CTNND2: variants seen among roughly 807,000 people sequenced by gnomAD.
CTNND2 encodes the protein catenin delta-2.
In CTNND2, 22 loss-of-function variants were observed where a neutral mutation model predicts 144.4. The observed-to-expected ratio is 0.15, with a 90% confidence interval of 0.11 to 0.22. The LOEUF is 0.22. Among genes scored for constraint, CTNND2 ranks in the 10% least tolerant of loss-of-function variants. The pLI, the probability that CTNND2 is intolerant of heterozygous loss-of-function variation, is 1.00. For synonymous variants in CTNND2, 751 were observed against 695.6 expected (o/e 1.08, Z -1.25); for missense variants, 1,353 against 1,618.8 (o/e 0.84, Z 2.82).
chr5:11,289,115 C>T (rs1195733837), intron 9 of CTNND2, among the ~76,000 whole-genome samples: 1 of 152,224 alleles, frequency 6.6e-6, no homozygotes, highest in Admixed American at 6.5e-5. Flanking sequence ...AGGCCACTAT[C>T]TGCACACCTT....
Position 11,385,156 on chromosome 5 carries a change from G to T in CTNND2, c.686C>A (p.Pro229Gln). 2.0e-6 allele frequency: 2 copies of T among 1,008,864 alleles called. No individual in the cohort carries two copies. Among genetic ancestry groups the T allele is most frequent in the Non-Finnish European group, 2.4e-6 (2 of 847,624 alleles). The allele number at this position is 1,008,864 out of a possible 1,614,324, so 62.5% of individuals were successfully genotyped here. The stretch of plus-strand genomic sequence containing the variant: ...GGCGCTGCCCAGGCTGGGCGCGAAC[G>T]GCTCCCGCGGCGGCGGCGGCGGCGG... Reference protein sequence around the residue: ...APPPPPPPREPFAPSLGSAFH... With the variant: ...APPPPPPPREQFAPSLGSAFH... Residue 229 changes from proline (P) to glutamine (Q), a missense_variant, in exon 7 of 22, where the codon CCG becomes CAG. Coordinates refer to ENST00000304623, the MANE Select transcript of CTNND2 (RefSeq NM_001332.4).
At chr5:11,663,801 T>C (rs891064516) in intron 2 of CTNND2, among the ~76,000 whole-genome samples, 2 of 152,180 alleles carry the variant, frequency 1.3e-5, no homozygotes, top group East Asian at 1.9e-4. Context: ...GTGTTTGATA[T>C]GTATTATAAT....
chr5:11,238,742 C>T (rs552189207), intron 9 of CTNND2, among the ~76,000 whole-genome samples: 1 of 152,026 alleles, frequency 6.6e-6, no homozygotes, highest in Non-Finnish European at 1.5e-5. Context: ...TATACATACA[C>T]ACTATATATA....
At position 11,513,966 on chromosome 5, in the gene CTNND2, C is replaced by A. The variant is rs182151792; in HGVS notation, c.287+50978G>T. Among the ~76,000 whole-genome samples the A allele has an allele frequency of 3.8e-4, 58 of 152,166 alleles. 1 individual carries two copies. The highest frequency in any genetic ancestry group is 1.3e-3 in the African/African-American group (56 of 41,510). ...CTATATATTTATAATTTTAAAAAAT[C>A]TAACAAGAAATGGGCCAGCCTGGGC... On this transcript the variant is annotated intron_variant, in intron 3 of 21. Transcript: ENST00000304623.
intron 9 of CTNND2, among the ~76,000 whole-genome samples, chr5:11,260,717 A>G (rs1744772456): frequency 6.6e-6 from 1 of 152,210 alleles, no homozygotes; most frequent in Non-Finnish European, 1.5e-5. Flanking sequence ...TCAACAAGAT[A>G]GTACTGGGGA....
chr5:11,231,440 C>A (rs939396705), intron 10 of CTNND2, among the ~76,000 whole-genome samples: 3 of 152,140 alleles, frequency 2.0e-5, no homozygotes, highest in Admixed American at 6.5e-5. Context: ...GTGATATGGA[C>A]AAGGAAGTCC....
intron 2 of CTNND2, among the ~76,000 whole-genome samples, chr5:11,595,027 A>C (rs1050649258): frequency 4.6e-5 from 7 of 152,214 alleles, no homozygotes; most frequent in African/African-American, 1.7e-4. Context: ...ATTGACAGCC[A>C]AATTACTGCG....
chr5:11,852,330 C>T (rs1312545388), intron 1 of CTNND2, among the ~76,000 whole-genome samples: 3 of 152,108 alleles, frequency 2.0e-5, no homozygotes, highest in African/African-American at 7.2e-5. Context: ...ACAATCCTTG[C>T]TTAATTAATT....
At chr5:11,551,444 T>C (rs1323875233) in intron 3 of CTNND2, among the ~76,000 whole-genome samples, 2 of 148,660 alleles carry the variant, frequency 1.3e-5, no homozygotes, top group Non-Finnish European at 3.0e-5. Context: ...TTTTTTTTTT[T>C]TTTTTTTTTG....
chr5:11,702,178 T>C (rs756848820), intron 2 of CTNND2, among the ~76,000 whole-genome samples: 9 of 152,178 alleles, frequency 5.9e-5, no homozygotes, highest in Non-Finnish European at 2.9e-5. Context: ...AGAATGGAGC[T>C]GACCACCCCA....
chr5:11,628,573 C>T (rs1781268135), intron 2 of CTNND2, among the ~76,000 whole-genome samples: 1 of 152,138 alleles, frequency 6.6e-6, no homozygotes, highest in Admixed American at 6.5e-5. Flanking sequence ...TGCTTCCAAC[C>T]TCAGCTATAA....
chr5:11,582,618 C>T (rs192691617), intron 2 of CTNND2, among the ~76,000 whole-genome samples: 2 of 152,228 alleles, frequency 1.3e-5, no homozygotes, highest in African/African-American at 4.8e-5. Flanking sequence ...TGTGACTATC[C>T]ACCTTTTCTA....
intron 9 of CTNND2, among the ~76,000 whole-genome samples, chr5:11,304,201 C>G (rs1302779): frequency 0.21 from 32,282 of 151,980 alleles, 3,745 homozygotes; most frequent in Middle Eastern, 0.32. Context: ...TGCTATCTGA[C>G]TTATTGGTTG....
Position 11,183,840 on chromosome 5 carries a change from T to G in CTNND2, c.1975+15608A>C, listed in dbSNP as rs368680576. 9.2e-5 allele frequency among the ~76,000 whole-genome samples: 14 copies of G among 152,196 alleles called. No individual in the cohort carries two copies. The East Asian group carries it at 2.3e-3, about 25-fold the overall frequency. On this transcript the variant is annotated intron_variant, in intron 11 of 21. Transcript: ENST00000304623. ...TCCCAAAGTGCTGGGATTACAGGCTTGAGCCACCGCGCCTGGCCTAGTTTT... is the reference window on the plus strand; with the variant it reads ...TCCCAAAGTGCTGGGATTACAGGCTGGAGCCACCGCGCCTGGCCTAGTTTT...
chr5:11,290,039 G>A (rs1461272232), intron 9 of CTNND2, among the ~76,000 whole-genome samples: 1 of 152,156 alleles, frequency 6.6e-6, no homozygotes, highest in East Asian at 1.9e-4. Context: ...ATCGAGTATA[G>A]AGCAACACAT....
At chr5:11,592,241 TTCCTGCCTGCTTGC>T (rs1262871131) in intron 2 of CTNND2, among the ~76,000 whole-genome samples, 6 of 10,840 alleles carry the variant, frequency 5.5e-4, no homozygotes, top group African/African-American at 4.0e-3. Context: ...CCTGCCTGCC[TTCCTGCCTGCTTGC>T]CTTCCTGCCT....
chr5:11,872,774 T>C (rs1387120400), intron 1 of CTNND2, among the ~76,000 whole-genome samples: 1 of 152,136 alleles, frequency 6.6e-6, no homozygotes, highest in African/African-American at 2.4e-5. Flanking sequence ...AGATTCTGGA[T>C]AGTTGTTGGG....
intron 1 of CTNND2, among the ~76,000 whole-genome samples, chr5:11,733,060 C>A (rs985020643): frequency 3.9e-5 from 6 of 152,108 alleles, no homozygotes; most frequent in African/African-American, 1.4e-4. Context: ...CCATAACTCG[C>A]CCTATGCATA....
chr5:11,123,310 G>A (rs1201128851), intron 12 of CTNND2, among the ~76,000 whole-genome samples: 1 of 152,220 alleles, frequency 6.6e-6, no homozygotes, highest in Non-Finnish European at 1.5e-5. Context: ...TCGACTGGAT[G>A]AAAGAGCATA....
Sources: allele counts gnomAD v4.1 joint callset (sites outside exome capture counted in the v4.1 genomes callset), GRCh38; gene constraint gnomAD v4.1.1; transcripts MANE v1.5; gene names NCBI Gene and HGNC (gene_info 2026-07-23, HGNC 2026-07-21).